The following EFNA5 variants were observed in gnomAD, a reference collection of about 807,000 sequenced individuals.
The protein encoded by EFNA5 is ephrin-A5.
In EFNA5, 5 loss-of-function variants were observed where a neutral mutation model predicts 22.9. That is an observed-to-expected ratio of 0.22 (90% CI 0.11 to 0.46). The LOEUF (loss-of-function observed/expected upper bound fraction) is 0.46, where lower values mean the gene tolerates loss of function less well. EFNA5 is among the 20% of genes least tolerant of loss of function. The pLI is 0.99. For synonymous variants in EFNA5, 113 were observed against 112.2 expected, an observed-to-expected ratio of 1.01 and a Z score of -0.04; for missense variants, 237 against 293.3, an observed-to-expected ratio of 0.81 and a Z score of 1.40.
chr5:107,611,702 T>C (rs1749821829), intron 1 of EFNA5, among the ~76,000 whole-genome samples: 1 of 152,212 alleles, frequency 6.6e-6, no homozygotes, highest in Non-Finnish European at 1.5e-5. Flanking sequence ...TTTGTGCTAC[T>C]ATAGTCACAG....
intron 1 of EFNA5, among the ~76,000 whole-genome samples, chr5:107,593,787 C>T (rs1175530965): frequency 6.6e-6 from 1 of 152,164 alleles, no homozygotes; most frequent in African/African-American, 2.4e-5. Flanking sequence ...ATAAAAGGAT[C>T]CCACCACCAC....
At chr5:107,617,237 C>CACACAGAGAGAG (rs1385888674) in intron 1 of EFNA5, among the ~76,000 whole-genome samples, 14 of 144,458 alleles carry the variant, frequency 9.7e-5, no homozygotes, top group Non-Finnish European at 1.7e-4. Flanking sequence ...CACACACACA[C>CACACAGAGAGAG]AGAGAGAGAG....
At chr5:107,651,742 C>T (rs1424043513) in intron 1 of EFNA5, among the ~76,000 whole-genome samples, 1 of 151,044 alleles carries the variant, frequency 6.6e-6, no homozygotes, top group Non-Finnish European at 1.5e-5. Flanking sequence ...TATAATAGAG[C>T]ACCCTAAGTT....
intron 1 of EFNA5, among the ~76,000 whole-genome samples, chr5:107,470,543 T>C (rs761679393): frequency 1.3e-5 from 2 of 152,234 alleles, no homozygotes; most frequent in Non-Finnish European, 2.9e-5. Flanking sequence ...GAGAAGCTGA[T>C]AGAATCAGTC....
At chr5:107,446,001 G>T (rs1421183590) in intron 1 of EFNA5, among the ~76,000 whole-genome samples, 2 of 152,222 alleles carry the variant, frequency 1.3e-5, no homozygotes, top group Non-Finnish European at 2.9e-5. Flanking sequence ...AAGAGGTTAA[G>T]AGAAAGGAAT....
At chr5:107,420,522 T>TAAAAAAAAAAAAAAAAAAAAAAAAAAAAA (rs368304882) in intron 2 of EFNA5, among the ~76,000 whole-genome samples, 1 of 109,088 alleles carries the variant, frequency 9.2e-6, no homozygotes. Flanking sequence ...TCTGTGCTTT[T>TAAAAAAAAAAAAAAAAAAAAAAAAAAAAA]AAAAAAAAAA....
intron 2 of EFNA5, among the ~76,000 whole-genome samples, chr5:107,412,587 G>C (rs1320474368): frequency 6.6e-6 from 1 of 152,126 alleles, no homozygotes; most frequent in Non-Finnish European, 1.5e-5. Context: ...TCTCAGGTAT[G>C]AGACTATAGG....
At chr5:107,565,730 G>A (rs887791324) in intron 1 of EFNA5, among the ~76,000 whole-genome samples, 8 of 152,066 alleles carry the variant, frequency 5.3e-5, no homozygotes, top group Admixed American at 2.0e-4. Context: ...TCATATTTAC[G>A]TGTTAAGGGG....
chr5:107,551,495 A>T (rs1483261617), intron 1 of EFNA5, among the ~76,000 whole-genome samples: 4 of 152,150 alleles, frequency 2.6e-5, no homozygotes, highest in African/African-American at 9.7e-5. Flanking sequence ...ATGTTCTGTT[A>T]TTGCCCACTG....
chr5:107,422,063 T>C (rs780681843), intron 2 of EFNA5, among the ~76,000 whole-genome samples: 5 of 152,206 alleles, frequency 3.3e-5, no homozygotes, highest in Admixed American at 6.5e-5. Flanking sequence ...AGTGCTGGGA[T>C]TACAGGCATG....
At chr5:107,382,543 T>G (rs1233932752) in intron 4 of EFNA5, among the ~76,000 whole-genome samples, 1 of 152,084 alleles carries the variant, frequency 6.6e-6, no homozygotes, top group Admixed American at 6.5e-5. Context: ...TGGCTAATTT[T>G]AAGAATTTTT....
At chr5:107,533,391 C>G (rs1747864526) in intron 1 of EFNA5, among the ~76,000 whole-genome samples, 1 of 152,132 alleles carries the variant, frequency 6.6e-6, no homozygotes, top group Non-Finnish European at 1.5e-5. Context: ...TTCTATCTCC[C>G]CCATACAGGC....
chr5:107,470,374 C>A (rs898156398), intron 1 of EFNA5, among the ~76,000 whole-genome samples: 9 of 152,186 alleles, frequency 5.9e-5, no homozygotes, highest in African/African-American at 2.2e-4. Context: ...TGTTATTATA[C>A]GGCTTCTGAG....
chr5:107,448,866 TAAATA>T (rs74535160), intron 1 of EFNA5, among the ~76,000 whole-genome samples: 134 of 141,374 alleles, frequency 9.5e-4, no homozygotes, highest in Middle Eastern at 3.7e-3. Context: ...AATAAATAAA[TAAATA>T]AAATAAAATA....
chr5:107,561,284 A>G (rs1748535838), intron 1 of EFNA5, among the ~76,000 whole-genome samples: 1 of 152,224 alleles, frequency 6.6e-6, no homozygotes, highest in Non-Finnish European at 1.5e-5. Flanking sequence ...ATAAAATTCA[A>G]AATAAACTCT....
At chr5:107,618,390 T>C (rs1172616701) in intron 1 of EFNA5, among the ~76,000 whole-genome samples, 3 of 152,196 alleles carry the variant, frequency 2.0e-5, no homozygotes, top group Admixed American at 1.3e-4. Flanking sequence ...CAAACACTAA[T>C]TGACAGCACT....
chr5:107,542,851 T>TA (rs1206663860), intron 1 of EFNA5, among the ~76,000 whole-genome samples: 1 of 152,156 alleles, frequency 6.6e-6, no homozygotes, highest in Non-Finnish European at 1.5e-5. Context: ...TAAAAGGAAG[T>TA]AAACAGGCTT....
At chr5:107,574,363 C>CA (rs11420605) in intron 1 of EFNA5, among the ~76,000 whole-genome samples, 66,288 of 149,590 alleles carry the variant, frequency 0.44, 15,187 homozygotes, top group African/African-American at 0.54. Flanking sequence ...CCCTCCCTTG[C>CA]AAAAAAAAAA....
intron 1 of EFNA5, among the ~76,000 whole-genome samples, chr5:107,574,139 T>C (rs1221188557): frequency 6.6e-6 from 1 of 152,250 alleles, no homozygotes; most frequent in Non-Finnish European, 1.5e-5. Flanking sequence ...AACTATCAAT[T>C]GGTTTTCTTA....
Sources: gnomAD v4.1 joint callset for allele counts (sites outside exome capture counted in the v4.1 genomes callset) on GRCh38, gnomAD v4.1.1 for gene constraint, MANE v1.5 for transcripts, NCBI Gene and HGNC (gene_info 2026-07-23, HGNC 2026-07-21) for gene names.